Variants in DNAI1 observed in about 807,000 individuals in gnomAD.
DNAI1 encodes the protein dynein axonemal intermediate chain 1, also known as dynein, axonemal, intermediate polypeptide 1.
A neutral mutation model predicts 92.0 loss-of-function variants in DNAI1; 67 were observed. The ratio of observed to expected loss-of-function variants is 0.73; its 90% CI spans 0.60 to 0.89. The LOEUF (loss-of-function observed/expected upper bound fraction) is 0.89, where lower values mean the gene tolerates loss of function less well. Among genes scored for constraint, DNAI1 ranks in the 40% least tolerant of loss-of-function variants. The pLI is 0.00. For synonymous variants in DNAI1, 323 were observed against 319.6 expected, an observed-to-expected ratio of 1.01 and a Z score of -0.11; for missense variants, 839 against 866.6, an observed-to-expected ratio of 0.97 and a Z score of 0.40.
chr9:34,466,852 G>C (rs1335461258), intron 1 of DNAI1, among the ~76,000 whole-genome samples: 1 of 152,116 alleles, frequency 6.6e-6, no homozygotes, highest in East Asian at 1.9e-4. Flanking sequence ...ATTTTAGTCT[G>C]TTTCCAGCTT....
intron 1 of DNAI1, chr9:34,478,799 T>A (rs911826744): frequency 6.6e-6 from 1 of 152,232 alleles, no homozygotes; most frequent in Non-Finnish European, 1.5e-5. Context: ...GTCAATAGCA[T>A]AAGAACGCCA....
intron 2 of DNAI1, among the ~76,000 whole-genome samples, chr9:34,484,726 T>C (rs1824437689): frequency 6.6e-6 from 1 of 152,186 alleles, no homozygotes; most frequent in Admixed American, 6.5e-5. Flanking sequence ...GAAGATAAAA[T>C]ATAAATTAGA....
intron 19 of DNAI1, among the ~76,000 whole-genome samples, chr9:34,517,820 G>A (rs1425723975): frequency 6.6e-6 from 1 of 152,176 alleles, no homozygotes; most frequent in Non-Finnish European, 1.5e-5. Flanking sequence ...GCCTGGGGCT[G>A]AGCCACTGCC....
intron 1 of DNAI1, among the ~76,000 whole-genome samples, chr9:34,480,856 G>A (rs1314707061): frequency 6.6e-6 from 1 of 152,230 alleles, no homozygotes; most frequent in Admixed American, 6.5e-5. Context: ...TGAGGCAGGA[G>A]AATTGCTTGA....
chr9:34,509,798 T>G (rs1467190152), intron 13 of DNAI1, among the ~76,000 whole-genome samples: 3 of 150,360 alleles, frequency 2.0e-5, no homozygotes, highest in African/African-American at 4.9e-5. Context: ...GGGTTTGAGG[T>G]GCTTAGTAGG....
At chr9:34,493,664 G>A (rs1277429830) in intron 9 of DNAI1, among the ~76,000 whole-genome samples, 1 of 152,106 alleles carries the variant, frequency 6.6e-6, no homozygotes, top group African/African-American at 2.4e-5. Flanking sequence ...GGGATGTGAG[G>A]ATAAGGCACC....
chr9:34,490,625 A>C, intron 7 of DNAI1, 137 bp downstream of exon 7: 1 of 1,275,496 alleles, frequency 7.8e-7, no homozygotes, highest in Non-Finnish European at 1.1e-6. Flanking sequence ...TTATCTCCCC[A>C]AGGAGAGCTG....
intron 1 of DNAI1, among the ~76,000 whole-genome samples, chr9:34,469,209 T>A (rs1056351050): frequency 4.6e-5 from 7 of 151,248 alleles, no homozygotes; most frequent in Non-Finnish European, 1.0e-4. Flanking sequence ...TTATATGAAT[T>A]GTGGTTGACT....
intron 16 of DNAI1, 109 bp from the exon 17 acceptor site, chr9:34,514,285 C>A: frequency 7.1e-7 from 1 of 1,418,086 alleles, no homozygotes; most frequent in Non-Finnish European, 9.8e-7. Context: ...AGCTGGGATG[C>A]GATGTGGGTT....
chr9:34,470,917 A>G (rs143124689), intron 1 of DNAI1, among the ~76,000 whole-genome samples: 174 of 152,354 alleles, frequency 1.1e-3, no homozygotes, highest in Non-Finnish European at 2.1e-3. Flanking sequence ...AAAGAATCTC[A>G]GCATATTAAG....
chr9:34,464,176 T>A (rs895099815), intron 1 of DNAI1, among the ~76,000 whole-genome samples: 6 of 152,134 alleles, frequency 3.9e-5, no homozygotes, highest in African/African-American at 1.4e-4. Context: ...TAACTAGTCT[T>A]CCCTCATTCA....
chr9:34,501,290 G>A (rs960041799), intron 12 of DNAI1, 109 bp downstream of exon 12: 21 of 935,190 alleles, frequency 2.2e-5, no homozygotes, highest in Middle Eastern at 2.1e-4. Flanking sequence ...ATGACTGCCC[G>A]CAGGGGGCTC....
intron 9 of DNAI1, among the ~76,000 whole-genome samples, chr9:34,494,615 GA>G (rs1384773027): frequency 1.3e-5 from 2 of 152,192 alleles, no homozygotes; most frequent in African/African-American, 2.4e-5. Flanking sequence ...GAAACCAGAA[GA>G]AAAGTCCCTG....
intron 1 of DNAI1, among the ~76,000 whole-genome samples, chr9:34,467,886 G>A (rs1824067023): frequency 6.6e-6 from 1 of 152,180 alleles, no homozygotes; most frequent in South Asian, 2.1e-4. Flanking sequence ...CTCTGCCTAA[G>A]GACAATTTCT....
chr9:34,498,958 T>C (rs541929975), intron 10 of DNAI1, among the ~76,000 whole-genome samples: 1 of 152,318 alleles, frequency 6.6e-6, no homozygotes, highest in East Asian at 1.9e-4. Context: ...CCTCTGCAAG[T>C]GGCCCACCAA....
intron 13 of DNAI1, among the ~76,000 whole-genome samples, chr9:34,507,737 A>G (rs1824969388): frequency 6.6e-6 from 1 of 152,238 alleles, no homozygotes; most frequent in Non-Finnish European, 1.5e-5. Flanking sequence ...ACTCCCAGGA[A>G]GGGGTGGCTG....
intron 1 of DNAI1, among the ~76,000 whole-genome samples, chr9:34,462,888 T>C (rs1823975239): frequency 6.6e-6 from 1 of 152,202 alleles, no homozygotes; most frequent in South Asian, 2.1e-4. Flanking sequence ...ATTGGTGATA[T>C]AGCAAGAAAC....
At chr9:34,496,441 C>T (rs1824727003) in intron 9 of DNAI1, among the ~76,000 whole-genome samples, 1 of 152,240 alleles carries the variant, frequency 6.6e-6, no homozygotes, top group Non-Finnish European at 1.5e-5. Flanking sequence ...CTGCCAAGCA[C>T]CTCATCTTGG....
chr9:34,490,609 T>C, intron 7 of DNAI1, 121 bp downstream of exon 7: 1 of 1,382,656 alleles, frequency 7.2e-7, no homozygotes, highest in Non-Finnish European at 1.0e-6. Flanking sequence ...CAACAGATGC[T>C]ACAGCTTATC....
Sources: allele counts gnomAD v4.1 joint callset (sites outside exome capture counted in the v4.1 genomes callset), GRCh38; gene constraint gnomAD v4.1.1; transcripts MANE v1.5; gene names NCBI Gene and HGNC (gene_info 2026-07-23, HGNC 2026-07-21).